Variants in UNC13C observed in about 807,000 individuals in gnomAD.
The protein encoded by UNC13C is unc-13 homolog C, also known as protein unc-13 homolog C.
Under a neutral mutation model 245.4 loss-of-function variants are expected in UNC13C, and 174 were observed. The ratio of observed to expected loss-of-function variants is 0.71; its 90% CI spans 0.63 to 0.80. The LOEUF (loss-of-function observed/expected upper bound fraction) is 0.80. Ranked by LOEUF, UNC13C falls within the 30% of genes least tolerant of loss-of-function variation. The probability of loss-of-function intolerance (pLI) is 0.00; values close to 1 mark genes in which losing one functional copy is unlikely to be tolerated. For synonymous variants in UNC13C, 992 were observed against 895.1 expected (o/e 1.11, Z -1.93); for missense variants, 2,829 against 2,602.9 (o/e 1.09, Z -1.89).
chr15:54,065,514 A>G (rs1411562511), intron 2 of UNC13C, among the ~76,000 whole-genome samples: 1 of 152,226 alleles, frequency 6.6e-6, no homozygotes, highest in Non-Finnish European at 1.5e-5. Context: ...TGTAAGAAAC[A>G]TCCCCCAAAT....
rs752332022 is a variant in UNC13C, at chr15:54,297,777, A to C, written c.3989-34A>C. Reference sequence around the variant, plus strand: ...CGTATGAGAAAAACATTATTGTCAGACATGACTGACCAATTGCCTTTTTGC... The same window carrying C: ...CGTATGAGAAAAACATTATTGTCAGCCATGACTGACCAATTGCCTTTTTGC... On this transcript the variant is annotated intron_variant, in intron 11 of 32. Coordinates refer to ENST00000260323, the MANE Select transcript of UNC13C (RefSeq NM_001080534.3). 1.2e-5 allele frequency: 17 copies of C among 1,455,930 alleles called. No individual in the cohort carries two copies. In the South Asian group the frequency reaches 2.0e-4, roughly 18 times the overall value. The allele number at this position is 1,455,930 out of a possible 1,614,324, so 90.2% of individuals were successfully genotyped here.
intron 22 of UNC13C, among the ~76,000 whole-genome samples, chr15:54,506,469 T>G (rs1207032367): frequency 6.6e-6 from 1 of 152,054 alleles, no homozygotes; most frequent in Non-Finnish European, 1.5e-5. Flanking sequence ...GATTTTATAT[T>G]TTCAAGGTCA....
At chr15:54,126,708 T>C (rs1263321988) in intron 2 of UNC13C, among the ~76,000 whole-genome samples, 2 of 151,990 alleles carry the variant, frequency 1.3e-5, no homozygotes, top group African/African-American at 4.8e-5. Context: ...AATTGACAAA[T>C]AGGATCTAAT....
intron 17 of UNC13C, among the ~76,000 whole-genome samples, chr15:54,339,650 T>C (rs1468711487): frequency 2.3e-5 from 2 of 87,902 alleles, no homozygotes; most frequent in African/African-American, 3.3e-5. Context: ...GATATATATA[T>C]ATATATATAT....
intron 30 of UNC13C, among the ~76,000 whole-genome samples, chr15:54,575,726 G>C (rs1038394211): frequency 6.6e-6 from 1 of 152,190 alleles, no homozygotes; most frequent in African/African-American, 2.4e-5. Context: ...TCTCATATTG[G>C]CTAAGCTTGT....
the UNC13C span, among the ~76,000 whole-genome samples, chr15:53,949,032 G>T: frequency 6.6e-6 from 1 of 152,166 alleles, no homozygotes; most frequent in Non-Finnish European, 1.5e-5. Flanking sequence ...ATACAGCAGT[G>T]GGCAAGACAT....
intron 11 of UNC13C, among the ~76,000 whole-genome samples, chr15:54,295,510 G>A (rs879611007): frequency 2.6e-5 from 4 of 152,010 alleles, no homozygotes; most frequent in Non-Finnish European, 4.4e-5. Context: ...TATTAGCCAA[G>A]CATGGTGCCA....
intron 2 of UNC13C, among the ~76,000 whole-genome samples, chr15:54,038,120 A>ATTTTTTTTTTTTTTTT (rs1246982047): frequency 1.5e-4 from 7 of 45,202 alleles, no homozygotes; most frequent in South Asian, 9.3e-4. Context: ...ATATATATAT[A>ATTTTTTTTTTTTTTTT]TATATTTTTT....
chr15:54,335,584 C>T (rs1052352723), intron 16 of UNC13C, among the ~76,000 whole-genome samples: 3 of 152,036 alleles, frequency 2.0e-5, no homozygotes, highest in African/African-American at 7.2e-5. Context: ...TGGTAACCAC[C>T]GATTTGTTCT....
At chr15:54,464,004 A>C (rs1471405036) in intron 19 of UNC13C, among the ~76,000 whole-genome samples, 2 of 152,178 alleles carry the variant, frequency 1.3e-5, no homozygotes, top group African/African-American at 4.8e-5. Context: ...TGATAACAGG[A>C]ATGATGGTGA....
chr15:54,250,152 G>T, intron 7 of UNC13C, 73 bp from the exon 8 acceptor site: 1 of 1,394,382 alleles, frequency 7.2e-7, no homozygotes, highest in Admixed American at 1.8e-5. Flanking sequence ...GTGATAAAAT[G>T]GTTTGTTTTA....
chr15:54,297,328 G>T lies in UNC13C; in HGVS notation c.3989-483G>T, dbSNP rs554590486. On this transcript the variant is annotated intron_variant, in intron 11 of 32. Coordinates refer to ENST00000260323, the MANE Select transcript of UNC13C (RefSeq NM_001080534.3). Reference sequence around the variant, plus strand: ...CCACAATAGGCAAATATTTTTAATTGTATTTAGGGGAATCATAGTTACTTT... The same window carrying T: ...CCACAATAGGCAAATATTTTTAATTTTATTTAGGGGAATCATAGTTACTTT... 1.3e-4 allele frequency among the ~76,000 whole-genome samples: 19 copies of T among 151,696 alleles called. No homozygotes were observed. The South Asian group carries it at 3.8e-3, about 30-fold the overall frequency.
chr15:54,314,009 G>T (rs765528986), intron 13 of UNC13C, among the ~76,000 whole-genome samples: 4 of 151,288 alleles, frequency 2.6e-5, no homozygotes, highest in Admixed American at 6.6e-5. Flanking sequence ...GAATATTATG[G>T]TTAAGGGAAA....
the UNC13C span, among the ~76,000 whole-genome samples, chr15:53,960,335 GT>G: frequency 0.059 from 8,478 of 143,552 alleles, 415 homozygotes; most frequent in African/African-American, 0.14. Context: ...TCTATATCAT[GT>G]TTTTTTTTTT....
intron 25 of UNC13C, among the ~76,000 whole-genome samples, chr15:54,532,452 A>G (rs1395459182): frequency 6.6e-6 from 1 of 152,238 alleles, no homozygotes; most frequent in African/African-American, 2.4e-5. Flanking sequence ...CCTAGACTGG[A>G]TAAAGAAACT....
the UNC13C span, among the ~76,000 whole-genome samples, chr15:53,838,877 T>C: frequency 6.6e-6 from 1 of 152,052 alleles, no homozygotes; most frequent in African/African-American, 2.4e-5. Context: ...TAAAATTTAT[T>C]TATTCAACTT....
At chr15:54,257,700 A>G (rs2036314711) in intron 8 of UNC13C, among the ~76,000 whole-genome samples, 1 of 152,160 alleles carries the variant, frequency 6.6e-6, no homozygotes, top group South Asian at 2.1e-4. Context: ...GTGATCCTCC[A>G]ATTACCTACT....
At chr15:54,462,113 C>T (rs189026890) in intron 19 of UNC13C, among the ~76,000 whole-genome samples, 218 of 152,196 alleles carry the variant, frequency 1.4e-3, no homozygotes, top group African/African-American at 4.8e-3. Context: ...CAAGTTAGGC[C>T]TTTGCCAGGG....
chr15:54,291,948 A>G (rs903323675), intron 10 of UNC13C, among the ~76,000 whole-genome samples: 3 of 152,020 alleles, frequency 2.0e-5, no homozygotes, highest in African/African-American at 7.2e-5. Context: ...ACTACCCTAG[A>G]ATACATAGTA....
Sources: allele counts gnomAD v4.1 joint callset (sites outside exome capture counted in the v4.1 genomes callset), GRCh38; gene constraint gnomAD v4.1.1; transcripts MANE v1.5; gene names NCBI Gene and HGNC (gene_info 2026-07-23, HGNC 2026-07-21).